GALNT13: variants seen among roughly 807,000 people sequenced by gnomAD.
The protein encoded by GALNT13 is polypeptide N-acetylgalactosaminyltransferase 13, also known as UDP-GalNAc:polypeptide N-acetylgalactosaminyltransferase 13.
GALNT13 carries 28 observed loss-of-function variants against 64.2 expected under a neutral mutation model. The observed-to-expected ratio is 0.44, with a 90% CI of 0.32 to 0.60. The LOEUF (loss-of-function observed/expected upper bound fraction) is 0.60. Among genes scored for constraint, GALNT13 ranks in the 20% least tolerant of loss-of-function variants. GALNT13 has a pLI of 0.05. For synonymous variants in GALNT13, 214 were observed against 224.6 expected (o/e 0.95, Z 0.42); for missense variants, 577 against 669.8 (o/e 0.86, Z 1.53).
At chr2:153,295,343 T>C in the GALNT13 span, among the ~76,000 whole-genome samples, 6 of 152,106 alleles carry the variant, frequency 3.9e-5, no homozygotes, top group Non-Finnish European at 7.4e-5. Context: ...TTTAATAACC[T>C]TGGGGATGAT....
intron 3 of GALNT13, among the ~76,000 whole-genome samples, chr2:154,054,412 A>T (rs923621751): frequency 6.6e-6 from 1 of 152,076 alleles, no homozygotes; most frequent in Non-Finnish European, 1.5e-5. Flanking sequence ...GAAGAAAGAT[A>T]AAAGTGATAA....
At chr2:154,250,174 G>A (rs966202120) in intron 7 of GALNT13, among the ~76,000 whole-genome samples, 4 of 151,992 alleles carry the variant, frequency 2.6e-5, no homozygotes, top group African/African-American at 7.2e-5. Flanking sequence ...TCTTTGATAT[G>A]AATTAGGTTT....
At chr2:154,218,214 C>T (rs1559031305) in intron 4 of GALNT13, among the ~76,000 whole-genome samples, 1 of 152,108 alleles carries the variant, frequency 6.6e-6, no homozygotes, top group East Asian at 1.9e-4. Flanking sequence ...AACATTCAAT[C>T]AGTGTTACAT....
chr2:154,440,495 A>C (rs1419959371), intron 12 of GALNT13, among the ~76,000 whole-genome samples: 2 of 152,104 alleles, frequency 1.3e-5, no homozygotes, highest in African/African-American at 4.8e-5. Flanking sequence ...AGATAAATAA[A>C]TGATTTCTAT....
the GALNT13 span, among the ~76,000 whole-genome samples, chr2:153,493,678 C>A: frequency 1.3e-5 from 2 of 151,648 alleles, no homozygotes; most frequent in Non-Finnish European, 2.9e-5. Context: ...GACAAAGATA[C>A]TACAAAAATA....
At chr2:153,785,420 A>G in the GALNT13 span, among the ~76,000 whole-genome samples, 1 of 152,172 alleles carries the variant, frequency 6.6e-6, no homozygotes, top group African/African-American at 2.4e-5. Flanking sequence ...CACTGTTGAT[A>G]TAGCCTTTAG....
intron 4 of GALNT13, among the ~76,000 whole-genome samples, chr2:154,189,797 A>G (rs1344120046): frequency 6.6e-6 from 1 of 152,150 alleles, no homozygotes; most frequent in African/African-American, 2.4e-5. Context: ...GTGGAGTAGG[A>G]TAAGAATGGA....
the GALNT13 span, among the ~76,000 whole-genome samples, chr2:153,667,787 G>C: frequency 2.0e-5 from 3 of 152,106 alleles, no homozygotes; most frequent in African/African-American, 7.2e-5. Flanking sequence ...AGCTAGCTTT[G>C]AACATAAATG....
intron 4 of GALNT13, among the ~76,000 whole-genome samples, chr2:154,174,843 C>G (rs926282635): frequency 6.6e-6 from 1 of 152,014 alleles, no homozygotes; most frequent in Non-Finnish European, 1.5e-5. Flanking sequence ...TCACGTTTTT[C>G]TAGCTGCATG....
At chr2:153,751,168 G>C in the GALNT13 span, among the ~76,000 whole-genome samples, 1 of 151,832 alleles carries the variant, frequency 6.6e-6, no homozygotes, top group African/African-American at 2.4e-5. Context: ...GGTGGTTAGA[G>C]AAAATGCCTG....
chr2:154,301,215 C>A (rs1216583991), intron 8 of GALNT13, among the ~76,000 whole-genome samples, 194 bp from the exon 9 acceptor site: 5 of 152,148 alleles, frequency 3.3e-5, no homozygotes, highest in African/African-American at 1.2e-4. Context: ...AATTCCAATG[C>A]TACAAGTATT....
intron 3 of GALNT13, among the ~76,000 whole-genome samples, chr2:154,087,245 A>G (rs761875724): frequency 1.3e-5 from 2 of 151,908 alleles, no homozygotes; most frequent in Non-Finnish European, 2.9e-5. Context: ...ACTCTTCTGT[A>G]GATTACTTGA....
At chr2:153,119,090 G>A in the GALNT13 span, among the ~76,000 whole-genome samples, 1 of 152,038 alleles carries the variant, frequency 6.6e-6, no homozygotes, top group South Asian at 2.1e-4. Flanking sequence ...AGAAGAACAT[G>A]TTTGCTTCCC....
chr2:153,912,648 G>C (rs375729214), intron 2 of GALNT13, among the ~76,000 whole-genome samples: 3 of 151,934 alleles, frequency 2.0e-5, no homozygotes, highest in Non-Finnish European at 4.4e-5. Context: ...TCAGTCAATT[G>C]GATTCATTTC....
the GALNT13 span, among the ~76,000 whole-genome samples, chr2:153,630,473 G>C: frequency 9.7e-6 from 1 of 103,452 alleles, no homozygotes; most frequent in Admixed American, 1.5e-4. Context: ...ACAGGAGGGG[G>C]AACATCACAC....
chr2:153,975,479 C>T (rs999895157), intron 3 of GALNT13, among the ~76,000 whole-genome samples: 3 of 152,022 alleles, frequency 2.0e-5, no homozygotes, highest in African/African-American at 7.2e-5. Flanking sequence ...TTCATTTGCC[C>T]AAATTGCAAG....
the GALNT13 span, among the ~76,000 whole-genome samples, chr2:153,156,323 C>T: frequency 3.3e-5 from 5 of 152,222 alleles, no homozygotes; most frequent in East Asian, 7.7e-4. Context: ...ACACATAGTT[C>T]GAACTTTGTT....
intron 4 of GALNT13, among the ~76,000 whole-genome samples, chr2:154,153,575 G>T (rs1054137730): frequency 6.6e-6 from 1 of 152,200 alleles, no homozygotes; most frequent in African/African-American, 2.4e-5. Context: ...GAGCTGTGGT[G>T]GGCTCCACCC....
the GALNT13 span, among the ~76,000 whole-genome samples, chr2:153,719,733 G>A: frequency 4.3e-4 from 65 of 151,970 alleles, no homozygotes; most frequent in East Asian, 7.9e-4. Flanking sequence ...ACTCCCACCC[G>A]AATATTGCGC....
Sources: allele counts gnomAD v4.1 joint callset (sites outside exome capture counted in the v4.1 genomes callset), GRCh38; gene constraint gnomAD v4.1.1; transcripts MANE v1.5; gene names NCBI Gene and HGNC (gene_info 2026-07-23, HGNC 2026-07-21).